Variants in TRMT11 observed in about 807,000 individuals in gnomAD.
TRMT11 encodes tRNA (guanine(10)-N(2))-methyltransferase TRMT11.
Under a neutral mutation model 62.8 loss-of-function variants are expected in TRMT11, and 53 were observed. The observed-to-expected ratio is 0.84, with a 90% CI of 0.68 to 1.06. TRMT11 has a LOEUF of 1.06. Ranked by LOEUF, TRMT11 falls within the 50% of genes least tolerant of loss-of-function variation. TRMT11 has a pLI of 0.00. For synonymous variants in TRMT11, 188 were observed against 190.3 expected, an observed-to-expected ratio of 0.99 and a Z score of 0.10; for missense variants, 556 against 553.4, an observed-to-expected ratio of 1.00 and a Z score of -0.05.
intron 17 of TRMT11, among the ~76,000 whole-genome samples, chr6:126,093,585 G>GTATATA (rs56176946): frequency 0.026 from 1,209 of 46,530 alleles, 69 homozygotes; most frequent in Non-Finnish European, 0.03. Context: ...GGATATGTAT[G>GTATATA]TATATATATA....
At chr6:126,168,934 T>C (rs1478311673) in intron 21 of TRMT11, among the ~76,000 whole-genome samples, 2 of 152,258 alleles carry the variant, frequency 1.3e-5, no homozygotes, top group East Asian at 1.9e-4. Flanking sequence ...TTTTGATTGC[T>C]AAGAAAATTT....
intron 1 of TRMT11, among the ~76,000 whole-genome samples, chr6:125,992,134 G>GT (rs1449569792): frequency 6.6e-6 from 1 of 152,176 alleles, no homozygotes; most frequent in Non-Finnish European, 1.5e-5. Context: ...GTTTAAACAT[G>GT]TTTTGCTTTT....
At chr6:126,262,056 G>T in the TRMT11 span, among the ~76,000 whole-genome samples, 1 of 152,218 alleles carries the variant, frequency 6.6e-6, no homozygotes, top group Non-Finnish European at 1.5e-5. Flanking sequence ...ATTGCTGCGG[G>T]ACCAGCTACT....
intron 11 of TRMT11, among the ~76,000 whole-genome samples, chr6:126,015,229 A>G (rs2127951175): frequency 6.6e-6 from 1 of 151,196 alleles, no homozygotes; most frequent in African/African-American, 2.5e-5. Flanking sequence ...ATCTATTATC[A>G]CTAATCTTTT....
chr6:126,142,048 G>A (rs1168329690), intron 21 of TRMT11, among the ~76,000 whole-genome samples: 1 of 151,978 alleles, frequency 6.6e-6, no homozygotes, highest in African/African-American at 2.4e-5. Flanking sequence ...ATACTTCCTT[G>A]CATTATTCTC....
At chr6:126,142,162 C>G (rs897010041) in intron 21 of TRMT11, among the ~76,000 whole-genome samples, 23 of 152,058 alleles carry the variant, frequency 1.5e-4, no homozygotes, top group African/African-American at 5.3e-4. Flanking sequence ...TTACCTAACT[C>G]TTCATCCCTG....
At chr6:126,183,310 A>G (rs1227611134) in intron 1 of TRMT11, among the ~76,000 whole-genome samples, 7 of 152,114 alleles carry the variant, frequency 4.6e-5, no homozygotes, top group African/African-American at 1.4e-4. Context: ...GAGTCTTTCC[A>G]AATAGCACTC....
rs941833659 is a variant in TRMT11, at chr6:126,019,298, G to C, written c.1140-1862G>C. On this transcript the variant is annotated intron_variant, in intron 11 of 12. Coordinates refer to ENST00000334379, the MANE Select transcript of TRMT11 (RefSeq NM_001031712.3). Reference sequence around the variant, plus strand: ...ATTGTTAAAAATGAATTAAGATCGAGTCAAAAAAGATAATATGAAACATGC... The same window carrying C: ...ATTGTTAAAAATGAATTAAGATCGACTCAAAAAAGATAATATGAAACATGC... 3.3e-5 allele frequency among the ~76,000 whole-genome samples: 5 copies of C among 152,146 alleles called. No homozygotes were observed. In the South Asian group the frequency reaches 1.0e-3, roughly 32 times the overall value.
downstream of TRMT11, among the ~76,000 whole-genome samples, chr6:126,043,279 C>G (rs1361875473): frequency 4.8e-5 from 7 of 146,390 alleles, no homozygotes; most frequent in African/African-American, 1.3e-4. Flanking sequence ...GTTCAATTCC[C>G]ACCTATGAGT....
chr6:126,054,536 G>A (rs1025058339), intron 17 of TRMT11, among the ~76,000 whole-genome samples: 6 of 152,136 alleles, frequency 3.9e-5, no homozygotes, highest in Admixed American at 1.3e-4. Context: ...TATTGATTTC[G>A]CTCTTCACAC....
the TRMT11 span, among the ~76,000 whole-genome samples, chr6:126,247,116 C>G: frequency 6.6e-6 from 1 of 152,134 alleles, no homozygotes; most frequent in Non-Finnish European, 1.5e-5. Flanking sequence ...GCTGTATGGG[C>G]TTAGCTTGCT....
intron 16 of TRMT11, among the ~76,000 whole-genome samples, chr6:126,044,585 G>A (rs545377335): frequency 7.2e-5 from 11 of 152,208 alleles, no homozygotes; most frequent in Admixed American, 6.5e-4. Flanking sequence ...GACTTCTTGT[G>A]TCCTATACTG....
intron 16 of TRMT11, among the ~76,000 whole-genome samples, chr6:126,050,554 C>A (rs779040643): frequency 2.6e-5 from 4 of 151,876 alleles, no homozygotes; most frequent in Non-Finnish European, 5.9e-5. Context: ...ATAAAATGGG[C>A]CAGGTGTAGT....
At chr6:125,996,473 G>A (rs1791531545) in intron 3 of TRMT11, among the ~76,000 whole-genome samples, 2 of 152,180 alleles carry the variant, frequency 1.3e-5, no homozygotes, top group South Asian at 2.1e-4. Context: ...GTTTCAGTTG[G>A]TAGAGAAAAT....
intron 17 of TRMT11, among the ~76,000 whole-genome samples, chr6:126,093,100 G>C (rs1777295096): frequency 6.6e-6 from 1 of 152,226 alleles, no homozygotes; most frequent in Non-Finnish European, 1.5e-5. Context: ...GAGATGGAAA[G>C]AGGGAGTCTT....
the TRMT11 span, among the ~76,000 whole-genome samples, chr6:126,242,118 C>T: frequency 6.6e-6 from 1 of 152,160 alleles, no homozygotes; most frequent in Admixed American, 6.5e-5. Flanking sequence ...GCAAAAATCA[C>T]AAGCATTCTT....
At chr6:126,079,624 G>A (rs1777113908) in intron 17 of TRMT11, among the ~76,000 whole-genome samples, 1 of 151,980 alleles carries the variant, frequency 6.6e-6, no homozygotes, top group African/African-American at 2.4e-5. Flanking sequence ...CTGTGCTCAC[G>A]ACCTGGGTGA....
the TRMT11 span, among the ~76,000 whole-genome samples, chr6:126,257,643 C>T: frequency 1.4e-4 from 21 of 152,126 alleles, no homozygotes; most frequent in South Asian, 1.7e-3. Context: ...TTCTTTGATT[C>T]GAGACTTTTT....
chr6:126,130,940 G>A lies in TRMT11; in HGVS notation c.*1823+15085G>A, dbSNP rs1176048610. The stretch of plus-strand genomic sequence containing the variant: ...TGAATACATTTGAAAGACAACATCT[G>A]AACAATTTTGGTTATTATCTATTAG... On this transcript the variant is annotated intron_variant and NMD_transcript_variant, in intron 21 of 22. Coordinates refer to the TRMT11 transcript ENST00000648977. 5.3e-5 allele frequency among the ~76,000 whole-genome samples: 8 copies of A among 152,188 alleles called. No homozygotes were observed. The East Asian group carries it at 1.4e-3, about 26-fold the overall frequency.
Sources: allele counts gnomAD v4.1 joint callset (sites outside exome capture counted in the v4.1 genomes callset), GRCh38; gene constraint gnomAD v4.1.1; transcripts MANE v1.5; gene names NCBI Gene and HGNC (gene_info 2026-07-23, HGNC 2026-07-21).